CPLANE1: variants seen among roughly 807,000 people sequenced by gnomAD.
The protein encoded by CPLANE1 is ciliogenesis and planar polarity effector complex subunit 1, also known as ciliogenesis and planar polarity effector 1.
Under a neutral mutation model 362.5 loss-of-function variants are expected in CPLANE1, and 263 were observed. That is an observed-to-expected ratio of 0.73 (90% CI 0.66 to 0.80). The LOEUF (loss-of-function observed/expected upper bound fraction) is 0.80, where lower values mean the gene tolerates loss of function less well. CPLANE1 is among the 30% of genes least tolerant of loss of function. The probability of loss-of-function intolerance (pLI) is 0.00; values close to 1 mark genes in which losing one functional copy is unlikely to be tolerated. For missense variants in CPLANE1, 3,461 were observed against 3,793.4 expected (o/e 0.91, Z 2.30); for synonymous variants, 1,212 against 1,302.6 (o/e 0.93, Z 1.50).
chr5:37,233,480 G>A (rs1378135720), intron 8 of CPLANE1, among the ~76,000 whole-genome samples: 2 of 151,958 alleles, frequency 1.3e-5, no homozygotes. Context: ...TGAGGTGGCT[G>A]CAGTCACCAC....
rs1740440666 is a variant in CPLANE1, at chr5:37,248,165, T to C, written c.-47-420A>G. On this transcript the variant is annotated intron_variant, in intron 1 of 52. Coordinates refer to ENST00000651892, the MANE Select transcript of CPLANE1 (RefSeq NM_001384732.1). ...TTTCTGAGTTGAAGTTTTGCTCTTG[T>C]AGCCCAGGCTGCAGTGCAGTGGCGC... is the stretch of plus-strand genomic sequence containing the variant. Among the ~76,000 whole-genome samples, 4 of 151,846 alleles carry C rather than the reference T, an allele frequency of 2.6e-5. No individual in the cohort carries two copies. In the South Asian group the frequency reaches 8.3e-4, roughly 32 times the overall value.
At chr5:37,110,079 A>C (rs1479369427) in intron 51 of CPLANE1, among the ~76,000 whole-genome samples, 1 of 152,186 alleles carries the variant, frequency 6.6e-6, no homozygotes, top group African/African-American at 2.4e-5. Context: ...CCCTAGCCCA[A>C]GCAATCTATC....
chr5:37,167,332 A>C (rs554810619), intron 34 of CPLANE1, 119 bp from the exon 35 acceptor site: 1 of 751,776 alleles, frequency 1.3e-6, no homozygotes, highest in African/African-American at 1.8e-5. Flanking sequence ...AGTTAGAACA[A>C]ATCAAATATA....
At chr5:37,104,706 G>A (rs1454466764), downstream of CPLANE1, among the ~76,000 whole-genome samples, 1 of 151,818 alleles carries the variant, frequency 6.6e-6, no homozygotes, top group Non-Finnish European at 1.5e-5. Context: ...AGGAGTTCAA[G>A]GCCAGCCTGG....
chr5:37,159,113 TTTTTTTTTTG>T (rs2150741372), intron 38 of CPLANE1, among the ~76,000 whole-genome samples: 1 of 132,008 alleles, frequency 7.6e-6, no homozygotes, highest in African/African-American at 2.9e-5. Flanking sequence ...TTTTTTTTTT[TTTTTTTTTTG>T]AGACGGAGTC....
intron 46 of CPLANE1, among the ~76,000 whole-genome samples, chr5:37,132,592 C>T (rs1381538295): frequency 2.0e-5 from 3 of 152,068 alleles, no homozygotes; most frequent in South Asian, 2.1e-4. Flanking sequence ...GTAATCCGCC[C>T]GCCTTGGCCT....
chr5:37,108,232 A>G (rs1226670006), intron 52 of CPLANE1, 61 bp downstream of exon 52: 22 of 1,475,904 alleles, frequency 1.5e-5, no homozygotes, highest in Non-Finnish European at 1.9e-5. Flanking sequence ...AAACAAACAA[A>G]CAAAAAACCT....
intron 51 of CPLANE1, among the ~76,000 whole-genome samples, chr5:37,109,434 C>T (rs1758480237): frequency 6.6e-6 from 1 of 152,164 alleles, no homozygotes; most frequent in African/African-American, 2.4e-5. Flanking sequence ...CACACCTCTG[C>T]TCTCCCTAGC....
intron 8 of CPLANE1, among the ~76,000 whole-genome samples, chr5:37,238,181 T>G (rs1021621021): frequency 6.6e-5 from 10 of 152,044 alleles, no homozygotes; most frequent in Middle Eastern, 3.2e-3. Context: ...CCATCTTTTT[T>G]TGTGTGTGTG....
intron 38 of CPLANE1, 122 bp downstream of exon 38, chr5:37,162,343 G>A (rs1213645929): frequency 3.2e-6 from 2 of 624,778 alleles, no homozygotes; most frequent in Non-Finnish European, 5.5e-6. Flanking sequence ...AAAAATCTAG[G>A]CAGAGTAAAT....
At position 37,170,060 on chromosome 5, in the gene CPLANE1, T is replaced by C. The variant is rs150999024; in HGVS notation, c.6443A>G (p.Asn2148Ser). 2.3e-4 allele frequency: 369 copies of C among 1,614,100 alleles called. 3 individuals carry two copies. The East Asian group carries it at 7.4e-3, about 32-fold the overall frequency. ...CATTACCTGTACGTTTCCAGTACTA[T>C]TTTGACCAGATGGGATAGTTCCTTC... is the stretch of plus-strand genomic sequence containing the variant. ...CHEGTIPSGQ[N>S]STGNVQNVPH... Residue 2148 changes from asparagine (N) to serine (S), a missense_variant, in exon 33 of 53, where the codon AAT (asparagine) becomes AGT (serine). Asn to Ser is a conservative substitution (Grantham distance 46). Around this residue, in one of 2 missense-constraint regions of CPLANE1, gnomAD observed 3,380 missense variants for 3,666.1 expected, o/e 0.92. Coordinates refer to ENST00000651892, the MANE Select transcript of CPLANE1 (RefSeq NM_001384732.1).
the CPLANE1 span, among the ~76,000 whole-genome samples, chr5:37,097,749 C>T: frequency 9.2e-5 from 14 of 152,078 alleles, no homozygotes; most frequent in African/African-American, 3.4e-4. Flanking sequence ...GAATTCTATA[C>T]CCAGCCAAGG....
At chr5:37,087,495 T>C in the CPLANE1 span, among the ~76,000 whole-genome samples, 2 of 152,148 alleles carry the variant, frequency 1.3e-5, no homozygotes, top group Non-Finnish European at 2.9e-5. Context: ...TTCACTCTGT[T>C]GCCCAGACTG....
At chr5:37,130,482 C>T (rs535826490) in intron 46 of CPLANE1, 2 of 217,554 alleles carry the variant, frequency 9.2e-6, no homozygotes, top group Admixed American at 4.1e-5. Context: ...TTCACATGGT[C>T]AGCCAAAACA....
At chr5:37,094,589 G>A in the CPLANE1 span, among the ~76,000 whole-genome samples, 1 of 152,022 alleles carries the variant, frequency 6.6e-6, no homozygotes, top group Admixed American at 6.6e-5. Flanking sequence ...CAAGGTCAAA[G>A]CAGAACTAAA....
intron 51 of CPLANE1, 100 bp from the exon 52 acceptor site, chr5:37,108,571 C>G: frequency 9.2e-7 from 1 of 1,092,224 alleles, no homozygotes; most frequent in Non-Finnish European, 1.3e-6. Context: ...AAGGTAGTCA[C>G]ATTTTAAATA....
chr5:37,118,754 G>A (rs931693240), intron 50 of CPLANE1, among the ~76,000 whole-genome samples: 9 of 148,308 alleles, frequency 6.1e-5, no homozygotes, highest in African/African-American at 1.5e-4. Context: ...TCACTCTGTC[G>A]CCAAGCTGGA....
At chr5:37,245,429 T>C in intron 4 of CPLANE1, 50 bp downstream of exon 4, 1 of 1,363,408 alleles carries the variant, frequency 7.3e-7, no homozygotes, top group East Asian at 2.8e-5. Context: ...TCATCCTCTT[T>C]TCCTATTTTT....
intron 24 of CPLANE1, 92 bp from the exon 25 acceptor site, chr5:37,185,171 G>A (rs1005415971): frequency 9.1e-7 from 1 of 1,102,484 alleles, no homozygotes; most frequent in South Asian, 1.7e-5. Flanking sequence ...CTGGGGACAA[G>A]AAACCTAACT....
Sources: gnomAD v4.1 joint callset for allele counts (sites outside exome capture counted in the v4.1 genomes callset) on GRCh38, gnomAD v4.1.1 for gene constraint, gnomAD v4.1.1 regional missense constraint, MANE v1.5 for transcripts, NCBI Gene and HGNC (gene_info 2026-07-23, HGNC 2026-07-21) for gene names.